Variants in XYLT1 observed in about 807,000 individuals in gnomAD.
The protein encoded by XYLT1 is beta-D-xylosyltransferase 1.
XYLT1 carries 36 observed loss-of-function variants against 91.3 expected under a neutral mutation model. That is an observed-to-expected ratio of 0.39 (90% CI 0.30 to 0.52). The LOEUF (loss-of-function observed/expected upper bound fraction) is 0.52. XYLT1 is among the 20% of genes least tolerant of loss of function. The probability of loss-of-function intolerance (pLI) is 0.68; values close to 1 mark genes in which losing one functional copy is unlikely to be tolerated. For missense variants in XYLT1, 1,242 were observed against 1,284.5 expected, an observed-to-expected ratio of 0.97 and a Z score of 0.51; for synonymous variants, 588 against 532.0, an observed-to-expected ratio of 1.11 and a Z score of -1.45.
intron 1 of XYLT1, among the ~76,000 whole-genome samples, chr16:17,418,714 G>A (rs749352539): frequency 2.0e-5 from 3 of 152,118 alleles, no homozygotes; most frequent in South Asian, 4.1e-4. Flanking sequence ...CATCCATGGT[G>A]GTGAATGCCT....
intron 2 of XYLT1, among the ~76,000 whole-genome samples, chr16:17,265,070 C>G (rs2033784603): frequency 6.6e-6 from 1 of 152,208 alleles, no homozygotes; most frequent in Non-Finnish European, 1.5e-5. Flanking sequence ...CACCTGTAGT[C>G]CCAGCTACTC....
chr16:17,137,186 C>A (rs955372318), intron 8 of XYLT1, among the ~76,000 whole-genome samples: 1 of 152,052 alleles, frequency 6.6e-6, no homozygotes, highest in African/African-American at 2.4e-5. Context: ...GCACAAAAAC[C>A]AGGAAGGCAG....
chr16:17,358,140 T>TC, intron 1 of XYLT1, 90 bp from the exon 2 acceptor site: 1 of 1,384,498 alleles, frequency 7.2e-7, no homozygotes, highest in Non-Finnish European at 9.9e-7. Flanking sequence ...CTTTTTTTTT[T>TC]TTTTTAAGAG....
intron 2 of XYLT1, among the ~76,000 whole-genome samples, chr16:17,318,501 C>T (rs1193907963): frequency 1.3e-5 from 2 of 152,230 alleles, no homozygotes; most frequent in Non-Finnish European, 2.9e-5. Flanking sequence ...GTAGAAGGTC[C>T]TGGCTTGGTT....
chr16:17,416,504 AAAGGAGGGGACTGTGG>A (rs2036182027), intron 1 of XYLT1, among the ~76,000 whole-genome samples: 1 of 152,184 alleles, frequency 6.6e-6, no homozygotes, highest in African/African-American at 2.4e-5. Flanking sequence ...AGGGACTGAG[AAAGGAGGGGACTGTGG>A]GGTCCAGTGG....
rs9932736 is a variant in XYLT1 at position 17,279,245 on chromosome 16, T to C, written c.403-19747A>G. On this transcript the variant is annotated intron_variant, in intron 2 of 11. Coordinates refer to ENST00000261381, the MANE Select transcript of XYLT1 (RefSeq NM_022166.4). Reference sequence around the variant, plus strand: ...CGTGCCGTTTTGAAGCTGTGTGACCTTGGGCAGGTTTCCCAGCTGTAGCCA... The same window carrying C: ...CGTGCCGTTTTGAAGCTGTGTGACCCTGGGCAGGTTTCCCAGCTGTAGCCA... 5.7e-3 allele frequency among the ~76,000 whole-genome samples: 873 copies of C among 152,344 alleles called. 6 individuals are homozygous for C. The highest frequency in any genetic ancestry group is 0.02 in the African/African-American group (830 of 41,582).
At chr16:17,267,924 C>A (rs888452189) in intron 2 of XYLT1, among the ~76,000 whole-genome samples, 1 of 149,368 alleles carries the variant, frequency 6.7e-6, no homozygotes, top group Admixed American at 6.7e-5. Context: ...ATACCTAGAA[C>A]TTAATAAATA....
chr16:17,137,730 C>CA (rs144592070), intron 8 of XYLT1: 17,298 of 150,948 alleles, frequency 0.11, 1,379 homozygotes, highest in Non-Finnish European at 0.16. Flanking sequence ...CTTACTCCTT[C>CA]AAGTACACAG....
At chr16:17,379,772 C>A (rs2035655169) in intron 1 of XYLT1, among the ~76,000 whole-genome samples, 1 of 149,824 alleles carries the variant, frequency 6.7e-6, no homozygotes, top group Non-Finnish European at 1.5e-5. Flanking sequence ...CTCACACACA[C>A]ACACACACAC....
intron 3 of XYLT1, among the ~76,000 whole-genome samples, chr16:17,206,260 C>A (rs918111562): frequency 6.6e-6 from 1 of 152,076 alleles, no homozygotes; most frequent in Non-Finnish European, 1.5e-5. Context: ...GGGGAGAAAA[C>A]CTGCACGCTC....
chr16:17,134,516 G>A lies in XYLT1; in HGVS notation c.1984C>T (p.Arg662Trp), dbSNP rs776314298. 1.2e-5 allele frequency: 19 copies of A among 1,614,018 alleles called. No homozygotes were observed. The highest frequency in any genetic ancestry group is 8.0e-5 in the African/African-American group (6 of 74,916). ...TCCGTGTGCAGGGACGTCTCGGCCCGTCGAAGACCCAGGCGGGCAAAGGAG... is the reference window on the plus strand; with the variant it reads ...TCCGTGTGCAGGGACGTCTCGGCCCATCGAAGACCCAGGCGGGCAAAGGAG... ...YHSFARLGLR[R>W]AETSLHTDGE... Residue 662 changes from arginine to tryptophan, a missense_variant, in exon 9 of 12, where the codon CGG becomes TGG. Coordinates refer to ENST00000261381, the MANE Select transcript of XYLT1 (RefSeq NM_022166.4).
At chr16:17,228,911 G>T (rs2033114313) in intron 3 of XYLT1, among the ~76,000 whole-genome samples, 1 of 152,148 alleles carries the variant, frequency 6.6e-6, no homozygotes, top group Non-Finnish European at 1.5e-5. Context: ...TAAGGCATTT[G>T]TCTCAGGCCA....
At chr16:17,203,911 T>G (rs961183772) in intron 3 of XYLT1, among the ~76,000 whole-genome samples, 1 of 152,256 alleles carries the variant, frequency 6.6e-6, no homozygotes, top group Non-Finnish European at 1.5e-5. Context: ...ATGAGCAAAT[T>G]AATGAATGTG....
At chr16:17,234,126 C>A (rs973886588) in intron 3 of XYLT1, among the ~76,000 whole-genome samples, 3 of 152,106 alleles carry the variant, frequency 2.0e-5, no homozygotes, top group Non-Finnish European at 2.9e-5. Flanking sequence ...AACAGTGAGG[C>A]GGGTACTGCT....
At chr16:17,429,225 C>T (rs1304553533) in intron 1 of XYLT1, among the ~76,000 whole-genome samples, 1 of 152,230 alleles carries the variant, frequency 6.6e-6, no homozygotes, top group Non-Finnish European at 1.5e-5. Flanking sequence ...TCTGTCCAAG[C>T]AGGCTTAAGT....
chr16:17,268,795 C>G (rs960737893), intron 2 of XYLT1, among the ~76,000 whole-genome samples: 2 of 151,740 alleles, frequency 1.3e-5, no homozygotes, highest in African/African-American at 4.8e-5. Flanking sequence ...GTCTCAGCTT[C>G]CCAAGTAGCA....
chr16:17,463,422 A>G (rs2036847114), intron 1 of XYLT1, among the ~76,000 whole-genome samples: 1 of 152,240 alleles, frequency 6.6e-6, no homozygotes, highest in Non-Finnish European at 1.5e-5. Flanking sequence ...AGCTGAACAG[A>G]TATTTCTCAA....
intron 2 of XYLT1, among the ~76,000 whole-genome samples, chr16:17,274,150 G>C (rs889924547): frequency 1.3e-5 from 2 of 152,096 alleles, no homozygotes; most frequent in African/African-American, 2.4e-5. Flanking sequence ...GACCTCAAGT[G>C]ATCCACCTGC....
intron 1 of XYLT1, among the ~76,000 whole-genome samples, chr16:17,385,219 A>T (rs1313631661): frequency 6.6e-6 from 1 of 151,338 alleles, no homozygotes; most frequent in Non-Finnish European, 1.5e-5. Context: ...AACCTAGTAA[A>T]TAGAGGCCCC....
Sources: allele counts gnomAD v4.1 joint callset (sites outside exome capture counted in the v4.1 genomes callset), GRCh38; gene constraint gnomAD v4.1.1; transcripts MANE v1.5; gene names NCBI Gene and HGNC (gene_info 2026-07-23, HGNC 2026-07-21).